The following CDH23 variants were observed in gnomAD, a reference collection of about 807,000 sequenced individuals.
CDH23 encodes cadherin related 23, also known as cadherin-23.
A neutral mutation model predicts 317.1 loss-of-function variants in CDH23; 189 were observed. The observed-to-expected ratio is 0.60, with a 90% CI of 0.53 to 0.67. CDH23 has a LOEUF of 0.67. Among genes scored for constraint, CDH23 ranks in the 30% least tolerant of loss-of-function variants. The pLI is 0.00. For synonymous variants in CDH23, 1,839 were observed against 1,876.8 expected, an observed-to-expected ratio of 0.98 and a Z score of 0.52; for missense variants, 4,401 against 4,592.4, an observed-to-expected ratio of 0.96 and a Z score of 1.20.
intron 1 of CDH23, among the ~76,000 whole-genome samples, chr10:71,412,381 C>A (rs910139525): frequency 3.9e-5 from 6 of 152,104 alleles, no homozygotes; most frequent in Non-Finnish European, 8.8e-5. Context: ...GAGGAACTGC[C>A]GTACTGTTTT....
chr10:71,609,749 T>C (rs554544262), intron 9 of CDH23, among the ~76,000 whole-genome samples: 1 of 152,260 alleles, frequency 6.6e-6, no homozygotes, highest in South Asian at 2.1e-4. Flanking sequence ...CTGGTGCGCT[T>C]TTTCCCAGTG....
chr10:71,720,091 C>T (rs865904620), intron 28 of CDH23, among the ~76,000 whole-genome samples: 2 of 152,196 alleles, frequency 1.3e-5, no homozygotes, highest in African/African-American at 2.4e-5. Flanking sequence ...GCCAGAGGTT[C>T]GCTATTCAGT....
Position 71,740,953 on chromosome 10 carries a change from G to A in CDH23, c.4617+3G>A. 6.2e-7 allele frequency: 1 copy of A among 1,613,908 alleles called. No individual in the cohort carries two copies. Among genetic ancestry groups the A allele is most frequent in the South Asian group, 1.1e-5 (1 of 91,084 alleles). On this transcript the variant is annotated splice_donor_region_variant and intron_variant, in intron 37 of 69. Transcript: ENST00000224721. ...GATACAATGTCAGTGTGAATGAGGTGAGGGCAGCCCCGGGGCCCATATAGC... is the reference window on the plus strand; with the variant it reads ...GATACAATGTCAGTGTGAATGAGGTAAGGGCAGCCCCGGGGCCCATATAGC...
At chr10:71,736,646 G>T (rs942941058) in intron 34 of CDH23, among the ~76,000 whole-genome samples, 1 of 152,132 alleles carries the variant, frequency 6.6e-6, no homozygotes, top group Non-Finnish European at 1.5e-5. Context: ...CCACTGGGAA[G>T]TCCAGCAGCC....
chr10:71,576,464 C>T (rs1166605735), intron 8 of CDH23, among the ~76,000 whole-genome samples: 9 of 152,080 alleles, frequency 5.9e-5, no homozygotes, highest in Middle Eastern at 3.4e-3. Flanking sequence ...GAGCGCAGGG[C>T]ATGCGTGTCA....
rs1841038650 is a variant in CDH23, at chr10:71,784,330, G to T, written c.5412G>T (p.Arg1804=). The T allele has an allele frequency of 6.2e-7, 1 of 1,613,836 alleles. No homozygotes were observed. The highest frequency in any genetic ancestry group is 8.5e-7 in the Non-Finnish European group (1 of 1,179,858). ...ISPVEGVLRV[R]KDVELDRETI... ...CTGTGGAGGGGGTGCTAAGGGTCCGGAAGGACGTGGAGCTGGACCGGGAGA... is the reference window on the plus strand; with the variant it reads ...CTGTGGAGGGGGTGCTAAGGGTCCGTAAGGACGTGGAGCTGGACCGGGAGA... The change falls in exon 42 of 70, where the codon CGG becomes CGT. Residue 1804 remains arginine (R), a synonymous_variant. Transcript: ENST00000224721.
At chr10:71,590,662 T>C (rs1859405391) in intron 9 of CDH23, among the ~76,000 whole-genome samples, 1 of 152,116 alleles carries the variant, frequency 6.6e-6, no homozygotes, top group South Asian at 2.1e-4. Flanking sequence ...AGGAGCACTT[T>C]GCAAATGAGG....
intron 30 of CDH23, among the ~76,000 whole-genome samples, chr10:71,727,645 A>G (rs1329682677): frequency 6.6e-6 from 1 of 152,130 alleles, no homozygotes; most frequent in Non-Finnish European, 1.5e-5. Flanking sequence ...TGGGTGTCTC[A>G]GGGTGTTCAC....
intron 14 of CDH23, among the ~76,000 whole-genome samples, chr10:71,649,213 G>A (rs1863048040): frequency 6.6e-6 from 1 of 152,120 alleles, no homozygotes. Flanking sequence ...CTCAGACCCG[G>A]GGTCAGCCCA....
chr10:71,787,297 C>A lies in CDH23; in HGVS notation c.5820+1559C>A, dbSNP rs181202772. Among the ~76,000 whole-genome samples, 414 of 151,678 alleles carry A rather than the reference C, an allele frequency of 2.7e-3. 1 individual carries two copies. The highest frequency in any genetic ancestry group is 3.7e-3 in the Non-Finnish European group (250 of 67,940). ...AGGGTCTTCAACCCAGGTCTTTGAA[C>A]CCTGGTGTGGGCGCTTTTCAGATTT... On this transcript the variant is annotated intron_variant, in intron 44 of 69. Coordinates refer to ENST00000224721, the MANE Select transcript of CDH23 (RefSeq NM_022124.6).
At chr10:71,782,349 A>G (rs931542069) in intron 41 of CDH23, among the ~76,000 whole-genome samples, 1 of 152,194 alleles carries the variant, frequency 6.6e-6, no homozygotes, top group African/African-American at 2.4e-5. Flanking sequence ...AGCACACACA[A>G]GGTGGGCCAG....
chr10:71,544,603 A>G (rs1856169276), intron 6 of CDH23, among the ~76,000 whole-genome samples: 1 of 152,202 alleles, frequency 6.6e-6, no homozygotes. Flanking sequence ...GATGGAAAAG[A>G]GGAGGAGCAT....
intron 68 of CDH23, 65 bp downstream of exon 68, chr10:71,812,955 C>CA: frequency 6.3e-7 from 1 of 1,593,470 alleles, no homozygotes; most frequent in Non-Finnish European, 8.5e-7. Flanking sequence ...CTCCAGAGAA[C>CA]ACAGGGTGGT....
rs117178582 is a variant in CDH23 at position 71,674,845 on chromosome 10, G to A, written c.1450-267G>A. 0.02 allele frequency among the ~76,000 whole-genome samples: 3,118 copies of A among 152,336 alleles called. 177 individuals carry two copies. Among genetic ancestry groups the A allele is most frequent in the East Asian group, 0.15 (787 of 5,184 alleles). On this transcript the variant is annotated intron_variant, in intron 14 of 69. Coordinates refer to ENST00000224721, the MANE Select transcript of CDH23 (RefSeq NM_022124.6). ...CCCATTAAAACTTTAGGTCAGGGGA[G>A]ATGGAGGAGGGCCTCCCTGGGATGG... is the stretch of plus-strand genomic sequence containing the variant.
intron 3 of CDH23, among the ~76,000 whole-genome samples, chr10:71,497,482 C>T (rs1285244056): frequency 6.9e-6 from 1 of 144,862 alleles, no homozygotes; most frequent in Non-Finnish European, 1.5e-5. Flanking sequence ...CTGTTTCATG[C>T]TCAGGCTGCT....
intron 8 of CDH23, among the ~76,000 whole-genome samples, chr10:71,577,215 A>G (rs981392592): frequency 1.3e-5 from 2 of 152,130 alleles, no homozygotes; most frequent in Non-Finnish European, 2.9e-5. Flanking sequence ...CTCCCCAAGA[A>G]CGCGTTCCCC....
intron 22 of CDH23, 39 bp from the exon 23 acceptor site, chr10:71,701,983 G>GGC: frequency 4.4e-6 from 7 of 1,607,962 alleles, no homozygotes; most frequent in Non-Finnish European, 5.9e-6. Flanking sequence ...ACCCTCCCCA[G>GGC]GCGCGGCTCA....
At chr10:71,408,369 AAGAG>A (rs111771075) in intron 1 of CDH23, among the ~76,000 whole-genome samples, 6 of 150,128 alleles carry the variant, frequency 4.0e-5, no homozygotes, top group South Asian at 2.1e-4. Flanking sequence ...GTGTTAGAAG[AAGAG>A]AGAGAGAGAG....
intron 11 of CDH23, among the ~76,000 whole-genome samples, chr10:71,627,669 G>A (rs1281435831): frequency 1.3e-5 from 2 of 152,112 alleles, no homozygotes; most frequent in East Asian, 1.9e-4. Context: ...CTGGAGTCCC[G>A]TCTAACAGCT....
Sources: gnomAD v4.1 joint callset for allele counts (sites outside exome capture counted in the v4.1 genomes callset) on GRCh38, gnomAD v4.1.1 for gene constraint, MANE v1.5 for transcripts, NCBI Gene and HGNC (gene_info 2026-07-23, HGNC 2026-07-21) for gene names.